The following DCT variants were observed in gnomAD, a reference collection of about 807,000 sequenced individuals.
DCT encodes the protein dopachrome tautomerase.
A neutral mutation model predicts 53.0 loss-of-function variants in DCT; 47 were observed. That is an observed-to-expected ratio of 0.89 (90% CI 0.70 to 1.13). The LOEUF is 1.13. Among genes scored for constraint, DCT ranks in the 50% most tolerant of loss-of-function variants. The pLI is 0.00. For missense variants in DCT, 669 were observed against 637.4 expected, an observed-to-expected ratio of 1.05 and a Z score of -0.53; for synonymous variants, 244 against 237.0, an observed-to-expected ratio of 1.03 and a Z score of -0.27.
At chr13:94,529,115 C>T in the DCT span, among the ~76,000 whole-genome samples, 61,355 of 151,916 alleles carry the variant, frequency 0.4, 13,119 homozygotes, top group East Asian at 0.61. Flanking sequence ...ATGCACCCAA[C>T]ACAGGAGCAC....
At chr13:94,461,446 A>C (rs1047569474) in intron 5 of DCT, among the ~76,000 whole-genome samples, 1 of 152,292 alleles carries the variant, frequency 6.6e-6, no homozygotes, top group Admixed American at 6.5e-5. Context: ...GGACTCAAGC[A>C]GTCCTCCCGC....
intron 1 of DCT, among the ~76,000 whole-genome samples, chr13:94,477,964 G>A (rs1485908106): frequency 2.6e-5 from 4 of 152,126 alleles, no homozygotes; most frequent in African/African-American, 9.7e-5. Flanking sequence ...ACTGGAGGTG[G>A]GAAAGATTGA....
chr13:94,469,096 A>T, intron 1 of DCT, 51 bp from the exon 2 acceptor site: 1 of 1,480,342 alleles, frequency 6.8e-7, no homozygotes, highest in Non-Finnish European at 9.4e-7. Context: ...TGTCGTTTGG[A>T]AGAAATTTCT....
chr13:94,512,419 C>T, the DCT span, among the ~76,000 whole-genome samples: 1 of 151,996 alleles, frequency 6.6e-6, no homozygotes, highest in East Asian at 1.9e-4. Flanking sequence ...AAACTACCAC[C>T]CAAAGAAAGA....
chr13:94,517,811 T>C, the DCT span, among the ~76,000 whole-genome samples: 10 of 152,056 alleles, frequency 6.6e-5, no homozygotes, highest in East Asian at 1.7e-3. Context: ...AGTAGCAAAA[T>C]ACGTTGACTA....
At chr13:94,544,214 T>A in the DCT span, among the ~76,000 whole-genome samples, 4 of 152,132 alleles carry the variant, frequency 2.6e-5, no homozygotes, top group African/African-American at 9.7e-5. Context: ...CAACTATGCC[T>A]CCTATCTCAA....
the DCT span, among the ~76,000 whole-genome samples, chr13:94,491,967 T>G: frequency 6.6e-6 from 1 of 152,164 alleles, no homozygotes; most frequent in Non-Finnish European, 1.5e-5. Context: ...CACTCAGAGT[T>G]TAGAATAACT....
intron 6 of DCT, among the ~76,000 whole-genome samples, chr13:94,459,779 T>C (rs566769780): frequency 3.3e-4 from 50 of 152,356 alleles, no homozygotes; most frequent in African/African-American, 1.2e-3. Context: ...TGTGGACTAC[T>C]GAACCTCAAC....
the DCT span, among the ~76,000 whole-genome samples, chr13:94,539,771 A>G: frequency 6.6e-6 from 1 of 152,168 alleles, no homozygotes; most frequent in Non-Finnish European, 1.5e-5. Flanking sequence ...ATACAAAAAT[A>G]TGGTTTGAAA....
chr13:94,478,136 T>C (rs1244349152), intron 1 of DCT, among the ~76,000 whole-genome samples: 5 of 151,702 alleles, frequency 3.3e-5, no homozygotes, highest in African/African-American at 1.2e-4. Flanking sequence ...GCCATTGTTA[T>C]CTAATAACAA....
the DCT span, among the ~76,000 whole-genome samples, chr13:94,549,133 C>T: frequency 6.6e-5 from 10 of 152,248 alleles, no homozygotes; most frequent in African/African-American, 2.4e-4. Flanking sequence ...CTCGGTGCGC[C>T]TCTAGCCAGA....
the DCT span, among the ~76,000 whole-genome samples, chr13:94,527,191 TA>T: frequency 3.3e-5 from 5 of 152,150 alleles, no homozygotes; most frequent in African/African-American, 1.2e-4. Context: ...ATTCCACCTC[TA>T]GGGGGAGGGC....
the DCT span, among the ~76,000 whole-genome samples, chr13:94,518,166 G>GAAGGAAGGAAGGAAAGAAGA: frequency 3.2e-3 from 464 of 143,174 alleles, 11 homozygotes; most frequent in African/African-American, 0.012. Context: ...ATGAAGGAAG[G>GAAGGAAGGAAGGAAAGAAGA]AAGGAAGAAA....
At chr13:94,462,312 A>C (rs1883867647) in intron 4 of DCT, 123 bp from the exon 5 acceptor site, 1 of 712,682 alleles carries the variant, frequency 1.4e-6, no homozygotes, top group South Asian at 1.6e-5. Flanking sequence ...GTTTGAGACC[A>C]GCTATGGCAA....
the DCT span, among the ~76,000 whole-genome samples, chr13:94,532,297 G>A: frequency 3.1e-3 from 473 of 152,270 alleles, 2 homozygotes; most frequent in African/African-American, 0.011. Flanking sequence ...TATATACCCA[G>A]AGGATTATAA....
intron 3 of DCT, 61 bp from the exon 4 acceptor site, chr13:94,465,860 T>C (rs1884158662): frequency 3.4e-6 from 5 of 1,470,834 alleles, no homozygotes; most frequent in Non-Finnish European, 4.7e-6. Flanking sequence ...CAAGAAAGCA[T>C]ACAAGGCAAA....
chr13:94,544,999 T>G, the DCT span, among the ~76,000 whole-genome samples: 1 of 152,230 alleles, frequency 6.6e-6, no homozygotes, highest in Admixed American at 6.5e-5. Context: ...CTGAAAGCAT[T>G]CCTTCTCTAA....
chr13:94,443,427 G>A lies in DCT; in HGVS notation c.1381+9C>T, dbSNP rs780337440. 6.2e-7 allele frequency: 1 copy of A among 1,603,036 alleles called. No homozygotes were observed. The highest frequency in any genetic ancestry group is 1.3e-5 in the African/African-American group (1 of 74,674). ...AATGAATCACCCATTTGGAAGTTGT[G>A]TTAGTTACCTGGCAGATCGATGGCA... On this transcript the variant is annotated intron_variant, in intron 7 of 7. Transcript: ENST00000377028.
chr13:94,536,961 A>T, the DCT span, among the ~76,000 whole-genome samples: 1 of 152,164 alleles, frequency 6.6e-6, no homozygotes, highest in Non-Finnish European at 1.5e-5. Context: ...AAAACAAAAA[A>T]GCTTCCTGAC....
Sources: allele counts gnomAD v4.1 joint callset (sites outside exome capture counted in the v4.1 genomes callset), GRCh38; gene constraint gnomAD v4.1.1; transcripts MANE v1.5; gene names NCBI Gene and HGNC (gene_info 2026-07-23, HGNC 2026-07-21).